The following PTPRN2 variants were observed in gnomAD, a reference collection of about 807,000 sequenced individuals.
The protein encoded by PTPRN2 is protein tyrosine phosphatase receptor type N2.
Under a neutral mutation model 118.8 loss-of-function variants are expected in PTPRN2, and 74 were observed. The ratio of observed to expected loss-of-function variants is 0.62; its 90% CI spans 0.52 to 0.76. The LOEUF is 0.76. PTPRN2 is among the 30% of genes least tolerant of loss of function. The pLI is 0.00. For synonymous variants in PTPRN2, 641 were observed against 608.0 expected, an observed-to-expected ratio of 1.05 and a Z score of -0.80; for missense variants, 1,481 against 1,394.4, an observed-to-expected ratio of 1.06 and a Z score of -0.99.
At chr7:158,159,176 G>C (rs112873776) in intron 6 of PTPRN2, among the ~76,000 whole-genome samples, 16 of 146,046 alleles carry the variant, frequency 1.1e-4, no homozygotes, top group Admixed American at 5.5e-4. Context: ...TCAGGAGCCC[G>C]TGTGATTGGC....
chr7:158,243,189 G>C (rs1425625130), intron 3 of PTPRN2, among the ~76,000 whole-genome samples: 5 of 152,204 alleles, frequency 3.3e-5, no homozygotes, highest in Non-Finnish European at 5.9e-5. Context: ...CTTCACTTCA[G>C]CCTCAACCTG....
intron 11 of PTPRN2, among the ~76,000 whole-genome samples, chr7:158,018,593 T>A (rs1806618835): frequency 3.3e-5 from 5 of 152,194 alleles, no homozygotes; most frequent in Admixed American, 1.3e-4. Flanking sequence ...CCACAGTGGC[T>A]GCCTCGGTGT....
intron 13 of PTPRN2, among the ~76,000 whole-genome samples, chr7:157,667,946 A>C (rs1796224670): frequency 6.6e-6 from 1 of 152,220 alleles, no homozygotes. Context: ...CCCTGGGCAG[A>C]GTCACGTGGG....
At chr7:158,485,062 A>G (rs751666447) in intron 2 of PTPRN2, among the ~76,000 whole-genome samples, 4 of 152,070 alleles carry the variant, frequency 2.6e-5, no homozygotes, top group Non-Finnish European at 4.4e-5. Context: ...GAGGGAAGGC[A>G]GACACCCTGC....
rs781256651 is a variant in PTPRN2 at position 158,228,061 on chromosome 7, G to A, written c.278-22788C>T. 9.2e-5 allele frequency among the ~76,000 whole-genome samples: 14 copies of A among 152,284 alleles called. No homozygotes were observed. The East Asian group carries it at 9.6e-4, about 10-fold the overall frequency. On this transcript the variant is annotated intron_variant, in intron 3 of 22. Transcript: ENST00000389418. ...TTCAAGACATTAAAAAGCTCTATGC[G>A]TATTCAAAGGTGGTAGCATTGTTGG...
chr7:158,229,155 A>G (rs1274748410), intron 3 of PTPRN2, among the ~76,000 whole-genome samples: 1 of 152,058 alleles, frequency 6.6e-6, no homozygotes, highest in Non-Finnish European at 1.5e-5. Context: ...AACCAGAGCC[A>G]AGGTAAACCT....
chr7:157,707,724 A>G (rs1185645224), intron 12 of PTPRN2, among the ~76,000 whole-genome samples: 1 of 151,838 alleles, frequency 6.6e-6, no homozygotes, highest in Non-Finnish European at 1.5e-5. Flanking sequence ...CCCAATTGGG[A>G]TTACAGTTGG....
intron 11 of PTPRN2, among the ~76,000 whole-genome samples, chr7:158,012,082 A>G (rs1331259927): frequency 6.6e-6 from 1 of 152,208 alleles, no homozygotes; most frequent in African/African-American, 2.4e-5. Context: ...TAGGAGAGCC[A>G]TTCGTCCTGA....
chr7:157,942,145 G>GTCCTCAGCCCACCCTCCACACACGGGAA, intron 11 of PTPRN2, among the ~76,000 whole-genome samples: 1 of 76,264 alleles, frequency 1.3e-5, no homozygotes, highest in South Asian at 3.6e-4. Flanking sequence ...ACGCACAGGG[G>GTCCTCAGCCCACCCTCCACACACGGGAA]TCCTCGGCCC....
intron 11 of PTPRN2, among the ~76,000 whole-genome samples, chr7:157,950,452 A>G (rs564235062): frequency 6.7e-6 from 1 of 149,192 alleles, no homozygotes; most frequent in Non-Finnish European, 1.5e-5. Flanking sequence ...ATGTTCAGAT[A>G]TGTAATGGGT....
rs113580751 is a variant in PTPRN2, at chr7:158,137,731, C to T, written c.1132+563G>A. Among the ~76,000 whole-genome samples the T allele has an allele frequency of 8.9e-3, 1,355 of 152,334 alleles. 24 individuals are homozygous for T. Among genetic ancestry groups the T allele is most frequent in the African/African-American group, 0.031 (1,270 of 41,568 alleles). On this transcript the variant is annotated intron_variant, in intron 7 of 22. Coordinates refer to ENST00000389418, the MANE Select transcript of PTPRN2 (RefSeq NM_002847.5). Reference sequence around the variant, plus strand: ...CACGTCTGTCATTTGGTTTTCAGCACGTACTTGTGGGGCTGCCATGTGTGG... The same window carrying T: ...CACGTCTGTCATTTGGTTTTCAGCATGTACTTGTGGGGCTGCCATGTGTGG...
At position 157,986,629 on chromosome 7, in the gene PTPRN2, C is replaced by G. The variant is rs1803810698; in HGVS notation, c.1724-87892G>C. On this transcript the variant is annotated intron_variant, in intron 11 of 22. Coordinates refer to ENST00000389418, the MANE Select transcript of PTPRN2 (RefSeq NM_002847.5). The surrounding 1 kb of genome is among the most constrained non-coding windows in gnomAD (Gnocchi z 4.5). ...TTCGTCCTCACTCAAAATTCCCATT[C>G]ACTCAGCATTACCACGGTTTGATAT... 6.6e-6 allele frequency among the ~76,000 whole-genome samples: 1 copy of G among 152,220 alleles called. No homozygotes were observed. Among genetic ancestry groups the G allele is most frequent in the African/African-American group, 2.4e-5 (1 of 41,466 alleles).
chr7:158,444,320 G>A (rs1006451095), intron 2 of PTPRN2, among the ~76,000 whole-genome samples: 5 of 152,260 alleles, frequency 3.3e-5, no homozygotes, highest in Admixed American at 3.3e-4. Flanking sequence ...AGCCGGCCGT[G>A]AGCCCCAGCG....
In PTPRN2 at chr7:157,676,922, C is replaced by A. The variant is rs1248950104; in HGVS notation, c.2001+5803G>T. 6.6e-6 allele frequency among the ~76,000 whole-genome samples: 1 copy of A among 152,134 alleles called. No individual in the cohort carries two copies. On this transcript the variant is annotated intron_variant, in intron 13 of 22. Transcript: ENST00000389418. The surrounding 1 kb of genome is among the most constrained non-coding windows in gnomAD (Gnocchi z 5.6). ...GGTTCTGGCAGAGAAATGTGTGAGG[C>A]GGACTGGTACACAACACAAGCCTAA...
chr7:158,097,973 C>G (rs995162235), intron 10 of PTPRN2, among the ~76,000 whole-genome samples: 1 of 152,148 alleles, frequency 6.6e-6, no homozygotes, highest in Admixed American at 6.5e-5. Context: ...ACCGCGTGGC[C>G]GTGTCTCCCG....
intron 11 of PTPRN2, among the ~76,000 whole-genome samples, chr7:157,968,065 C>T (rs112633618): frequency 5.3e-4 from 81 of 152,292 alleles, no homozygotes; most frequent in African/African-American, 1.8e-3. Flanking sequence ...CCCAGTACCA[C>T]CTAGCACTAG....
intron 2 of PTPRN2, among the ~76,000 whole-genome samples, chr7:158,322,227 C>T (rs114456590): frequency 0.015 from 2,315 of 152,278 alleles, 67 homozygotes; most frequent in African/African-American, 0.051. Flanking sequence ...CCAGGACAGC[C>T]GGGAGACACG....
intron 2 of PTPRN2, among the ~76,000 whole-genome samples, chr7:158,488,106 G>T (rs1821158487): frequency 6.6e-6 from 1 of 152,158 alleles, no homozygotes; most frequent in African/African-American, 2.4e-5. Context: ...CTTTTATTCT[G>T]CTGGGGCTAC....
intron 11 of PTPRN2, among the ~76,000 whole-genome samples, chr7:157,970,624 C>T (rs192534360): frequency 3.5e-5 from 5 of 141,630 alleles, no homozygotes; most frequent in Admixed American, 7.4e-5. Flanking sequence ...TTCATTGTCA[C>T]GCTCAGAGCG....
Sources: gnomAD v4.1 joint callset for allele counts (sites outside exome capture counted in the v4.1 genomes callset) on GRCh38, gnomAD v4.1.1 for gene constraint, Gnocchi (gnomAD v3.1) non-coding constraint, MANE v1.5 for transcripts, NCBI Gene and HGNC (gene_info 2026-07-23, HGNC 2026-07-21) for gene names.